TRABD2B: variants seen among roughly 807,000 people sequenced by gnomAD.
TRABD2B encodes TraB domain containing 2B, also known as metalloprotease TIKI2.
TRABD2B carries 14 observed loss-of-function variants against 40.1 expected under a neutral mutation model. The observed-to-expected ratio is 0.35, with a 90% CI of 0.23 to 0.55. The LOEUF is 0.55. Ranked by LOEUF, TRABD2B falls within the 20% of genes least tolerant of loss-of-function variation. TRABD2B has a pLI of 0.90. For missense variants in TRABD2B, 541 were observed against 648.6 expected, an observed-to-expected ratio of 0.83 and a Z score of 1.80; for synonymous variants, 263 against 277.0, an observed-to-expected ratio of 0.95 and a Z score of 0.50.
At position 47,997,250 on chromosome 1, in the gene TRABD2B, A is replaced by G. The variant is rs552389800; in HGVS notation, c.-461T>C. 2.3e-3 allele frequency: 2,269 copies of G among 980,150 alleles called. 61 individuals carry two copies. The African/African-American group carries it at 0.037, about 16-fold the overall frequency. The allele number at this position is 980,150 out of a possible 1,614,324, so 60.7% of individuals were successfully genotyped here. A position where few individuals can be genotyped will look rare whatever the true frequency, so the allele number is the denominator to read the frequency against. ...GCGCGCAGTGGGACAAGTGCGGCGG[A>G]AGGCGCGGCAGGGGTGGGGGGCGGC... On this transcript the variant is annotated 5_prime_UTR_variant, in exon 1 of 7. Coordinates refer to ENST00000606738, the MANE Select transcript of TRABD2B (RefSeq NM_001194986.2).
In TRABD2B at chr1:47,994,031, T is replaced by C; in HGVS notation, c.666+3A>G. On this transcript the variant is annotated splice_donor_region_variant and intron_variant, in intron 2 of 6. Transcript: ENST00000606738. The surrounding 1 kb of genome is among the most constrained non-coding windows in gnomAD (Gnocchi z 6.7). ...GCTCCGGGCTGGGGCACTGCATGCCTACCTGGGAGAAGTTGAGCCCGTTGT... is the reference window on the plus strand; with the variant it reads ...GCTCCGGGCTGGGGCACTGCATGCCCACCTGGGAGAAGTTGAGCCCGTTGT... The C allele has an allele frequency of 2.0e-6, 3 of 1,533,106 alleles. No homozygotes were observed. Among genetic ancestry groups the C allele is most frequent in the Non-Finnish European group, 2.6e-6 (3 of 1,144,600 alleles). The allele number at this position is 1,533,106 out of a possible 1,614,324, so 95.0% of individuals were successfully genotyped here. A position where few individuals can be genotyped will look rare whatever the true frequency, so the allele number is the denominator to read the frequency against.
chr1:47,812,369 G>T (rs992531226), intron 2 of TRABD2B, among the ~76,000 whole-genome samples: 6 of 152,196 alleles, frequency 3.9e-5, no homozygotes, highest in African/African-American at 1.4e-4. Flanking sequence ...GACCCAGCCT[G>T]GGAGTCGGTG....
intron 2 of TRABD2B, among the ~76,000 whole-genome samples, chr1:47,838,596 A>G (rs1044550979): frequency 2.6e-5 from 4 of 152,232 alleles, no homozygotes; most frequent in African/African-American, 9.6e-5. Context: ...TACTGCTGAT[A>G]GGTTTAGATA....
chr1:47,874,105 A>G (rs1644184031), intron 2 of TRABD2B, among the ~76,000 whole-genome samples: 1 of 152,174 alleles, frequency 6.6e-6, no homozygotes, highest in South Asian at 2.1e-4. Flanking sequence ...TTGCAAAGAG[A>G]GCCCCATCTC....
intron 4 of TRABD2B, among the ~76,000 whole-genome samples, chr1:47,781,177 C>A (rs1644516586): frequency 6.6e-6 from 1 of 152,194 alleles, no homozygotes. Flanking sequence ...GAGGAACTCT[C>A]TGCAAGCGGC....
intron 2 of TRABD2B, among the ~76,000 whole-genome samples, chr1:47,925,329 T>C (rs2124747251): frequency 6.6e-6 from 1 of 152,296 alleles, no homozygotes; most frequent in South Asian, 2.1e-4. Flanking sequence ...ATTAAGGAAT[T>C]AAATTGAAAA....
At chr1:47,804,384 AGT>A (rs960546073) in intron 2 of TRABD2B, among the ~76,000 whole-genome samples, 6 of 152,324 alleles carry the variant, frequency 3.9e-5, no homozygotes, top group African/African-American at 1.4e-4. Context: ...CTCGGATGAA[AGT>A]GTCCATGTCG....
intron 2 of TRABD2B, among the ~76,000 whole-genome samples, chr1:47,979,536 C>A (rs17103980): frequency 0.067 from 10,179 of 152,186 alleles, 381 homozygotes; most frequent in East Asian, 0.1. Context: ...TTGCTCTGGT[C>A]ATGCTGTGGG....
rs1570176210 is a variant in TRABD2B at position 47,873,714 on chromosome 1, A to C, written c.667-72095T>G. On this transcript the variant is annotated intron_variant, in intron 2 of 6. Transcript: ENST00000606738. ...GGTCTTGGTGGCCCTGTGAAGCCTG[A>C]GAGAGGACCACACCAAGAATCTATT... 1.3e-5 allele frequency among the ~76,000 whole-genome samples: 2 copies of C among 152,310 alleles called. 1 individual carries two copies. The highest frequency in any genetic ancestry group is 4.2e-4 in the South Asian group (2 of 4,814).
chr1:47,776,553 A>G (rs984274308), intron 5 of TRABD2B, among the ~76,000 whole-genome samples: 7 of 152,192 alleles, frequency 4.6e-5, no homozygotes, highest in Admixed American at 2.6e-4. Context: ...ATACAGGGGC[A>G]TACACGTGCA....
chr1:47,856,258 C>T (rs1369436122), intron 2 of TRABD2B, among the ~76,000 whole-genome samples: 4 of 152,230 alleles, frequency 2.6e-5, no homozygotes, highest in Admixed American at 2.0e-4. Flanking sequence ...TGCTTCCTGA[C>T]CCTACTTTGG....
Position 47,997,075 on chromosome 1 carries a change from G to C in TRABD2B, c.-286C>G, listed in dbSNP as rs1164631510. 5.1e-6 allele frequency: 5 copies of C among 984,070 alleles called. No individual in the cohort carries two copies. The highest frequency in any genetic ancestry group is 6.0e-6 in the Non-Finnish European group (5 of 829,264). The allele number at this position is 984,070 out of a possible 1,614,324, so 61.0% of individuals were successfully genotyped here. ...GTGCTGAGGGCGTGTTGGGGTCCGG[G>C]GGCGCGCGGGGTCCCGGAGCTGCGT... On this transcript the variant is annotated 5_prime_UTR_variant, in exon 1 of 7. Coordinates refer to ENST00000606738, the MANE Select transcript of TRABD2B (RefSeq NM_001194986.2).
chr1:47,953,863 C>T (rs964746619), intron 2 of TRABD2B, among the ~76,000 whole-genome samples: 1 of 152,194 alleles, frequency 6.6e-6, no homozygotes, highest in Non-Finnish European at 1.5e-5. Flanking sequence ...TGCTCCAGTG[C>T]TCTTTCTAGT....
intron 2 of TRABD2B, among the ~76,000 whole-genome samples, chr1:47,880,847 C>A (rs1644293221): frequency 6.6e-6 from 1 of 152,190 alleles, no homozygotes; most frequent in African/African-American, 2.4e-5. Flanking sequence ...TGCTTGGGCC[C>A]CCACTTGCTA....
intron 2 of TRABD2B, among the ~76,000 whole-genome samples, chr1:47,991,414 A>T (rs1250092263): frequency 6.6e-6 from 1 of 152,096 alleles, no homozygotes; most frequent in East Asian, 1.9e-4. Context: ...GGGCCCAGAG[A>T]GAGGAAGTGA....
Position 47,875,005 on chromosome 1 carries a change from C to T in TRABD2B, c.667-73386G>A, listed in dbSNP as rs566966195. Reference sequence around the variant, plus strand: ...AACTCAGTCTGTCCTCACACACTTGCTCATAGTGACTTCAAGATCCTGGTG... The same window carrying T: ...AACTCAGTCTGTCCTCACACACTTGTTCATAGTGACTTCAAGATCCTGGTG... On this transcript the variant is annotated intron_variant, in intron 2 of 6. Transcript: ENST00000606738. Among the ~76,000 whole-genome samples, 4 of 152,226 alleles carry T rather than the reference C, an allele frequency of 2.6e-5. No homozygotes were observed. The South Asian group carries it at 8.3e-4, about 32-fold the overall frequency.
At chr1:47,885,088 C>G (rs1314563327) in intron 2 of TRABD2B, among the ~76,000 whole-genome samples, 1 of 152,206 alleles carries the variant, frequency 6.6e-6, no homozygotes, top group African/African-American at 2.4e-5. Flanking sequence ...ATTCACCTCT[C>G]CAGCCTCAGC....
intron 2 of TRABD2B, among the ~76,000 whole-genome samples, chr1:47,989,315 T>C (rs936327027): frequency 2.0e-5 from 3 of 152,256 alleles, no homozygotes; most frequent in Non-Finnish European, 2.9e-5. Flanking sequence ...CTGTGATTTA[T>C]ACTTTTCTTC....
At position 47,769,093 on chromosome 1, in the gene TRABD2B, C is replaced by A. The variant is rs902576510; in HGVS notation, c.1350-2987G>T. Among the ~76,000 whole-genome samples, 5 of 152,340 alleles carry A rather than the reference C, an allele frequency of 3.3e-5. No homozygotes were observed. In the East Asian group the frequency reaches 7.7e-4, roughly 24 times the overall value. ...CACTGAGGCCTCATCTGGCCTCAGC[C>A]CCTGGAGGGGATTAGTGCCTGTGCC... On this transcript the variant is annotated intron_variant, in intron 6 of 6. Transcript: ENST00000606738.
Sources: allele counts gnomAD v4.1 joint callset (sites outside exome capture counted in the v4.1 genomes callset), GRCh38; gene constraint gnomAD v4.1.1; non-coding constraint Gnocchi (gnomAD v3.1); transcripts MANE v1.5; gene names NCBI Gene and HGNC (gene_info 2026-07-23, HGNC 2026-07-21).